Variants in ATP2B2 observed in about 807,000 individuals in gnomAD.
ATP2B2 encodes the protein ATPase plasma membrane Ca2+ transporting 2.
A neutral mutation model predicts 120.0 loss-of-function variants in ATP2B2; 15 were observed. The observed-to-expected ratio is 0.12, with a 90% CI of 0.08 to 0.19. The LOEUF (loss-of-function observed/expected upper bound fraction) is 0.19, where lower values mean the gene tolerates loss of function less well. Ranked by LOEUF, ATP2B2 falls within the 10% of genes least tolerant of loss-of-function variation. The pLI, the probability that ATP2B2 is intolerant of heterozygous loss-of-function variation, is 1.00. For synonymous variants in ATP2B2, 694 were observed against 700.3 expected (o/e 0.99, Z 0.14); for missense variants, 1,045 against 1,719.8 (o/e 0.61, Z 6.94).
intron 2 of ATP2B2, among the ~76,000 whole-genome samples, chr3:10,575,655 T>C (rs1186702770): frequency 1.3e-5 from 2 of 152,146 alleles, no homozygotes; most frequent in Non-Finnish European, 2.9e-5. Flanking sequence ...AGGTTATGTC[T>C]GGGGTAGAGA....
At chr3:10,539,582 T>C (rs1041124236) in intron 2 of ATP2B2, among the ~76,000 whole-genome samples, 1 of 152,298 alleles carries the variant, frequency 6.6e-6, no homozygotes. Context: ...AACCATCTGA[T>C]CTTTGACAAA....
chr3:10,542,927 AGC>A (rs1445513108), intron 2 of ATP2B2, among the ~76,000 whole-genome samples: 4 of 152,116 alleles, frequency 2.6e-5, no homozygotes, highest in Admixed American at 6.6e-5. Context: ...GTACTTTTTC[AGC>A]CCCATCCTCT....
intron 1 of ATP2B2, among the ~76,000 whole-genome samples, chr3:10,646,687 C>T (rs2070329569): frequency 6.6e-6 from 1 of 152,086 alleles, no homozygotes. Context: ...GAGTGCGTTA[C>T]ATAATGGGAA....
At position 10,532,322 on chromosome 3, in the gene ATP2B2, C is replaced by T. The variant is rs1053498325; in HGVS notation, c.-320+1717G>A. Reference sequence around the variant, plus strand: ...GAGAGTGCTCAATAAACACTTGTAACCAAATAAACAGGTAGCTAAGCCCTG... The same window carrying T: ...GAGAGTGCTCAATAAACACTTGTAATCAAATAAACAGGTAGCTAAGCCCTG... On this transcript the variant is annotated intron_variant, in intron 3 of 21. Coordinates refer to the ATP2B2 transcript ENST00000646379. Among the ~76,000 whole-genome samples, 2 of 152,148 alleles carry T rather than the reference C, an allele frequency of 1.3e-5. 1 individual carries two copies. Among genetic ancestry groups the T allele is most frequent in the South Asian group, 4.1e-4 (2 of 4,824 alleles).
At chr3:10,385,002 T>C (rs1225971634) in intron 8 of ATP2B2, among the ~76,000 whole-genome samples, 1 of 152,214 alleles carries the variant, frequency 6.6e-6, no homozygotes, top group Admixed American at 6.5e-5. Context: ...AAGTCTCGTC[T>C]CTTATCTGGG....
intron 2 of ATP2B2, among the ~76,000 whole-genome samples, chr3:10,589,729 C>G (rs2068597426): frequency 6.6e-6 from 1 of 152,192 alleles, no homozygotes; most frequent in African/African-American, 2.4e-5. Flanking sequence ...TTCCTAACAC[C>G]TGTCAGAATG....
At chr3:10,363,119 A>G (rs2060947845) in intron 12 of ATP2B2, among the ~76,000 whole-genome samples, 1 of 152,210 alleles carries the variant, frequency 6.6e-6, no homozygotes, top group Non-Finnish European at 1.5e-5. Flanking sequence ...CTCTAAAAGG[A>G]TTTCAAACAA....
At chr3:10,478,789 T>C (rs2065294886) in intron 1 of ATP2B2, among the ~76,000 whole-genome samples, 1 of 152,258 alleles carries the variant, frequency 6.6e-6, no homozygotes, top group African/African-American at 2.4e-5. Context: ...CTGTGGCCTC[T>C]AACTGGCTGA....
chr3:10,375,248 C>A lies in ATP2B2; in HGVS notation c.1416+182G>T, dbSNP rs568837548. Among the ~76,000 whole-genome samples, 2 of 152,248 alleles carry A rather than the reference C, an allele frequency of 1.3e-5. No individual in the cohort carries two copies. The highest frequency in any genetic ancestry group is 1.3e-4 in the Admixed American group (2 of 15,286). The stretch of plus-strand genomic sequence containing the variant: ...GTATGGCTCTCTGGTTTGCTACAGG[C>A]CCCTGGACTCTATGAAAGCGTCAGA... On this transcript the variant is annotated intron_variant, in intron 11 of 22. Transcript: ENST00000360273. This position sits in a 1 kb window ranked among gnomAD's most constrained non-coding sequence, Gnocchi z 4.2.
chr3:10,648,740 C>T (rs2070381429), intron 1 of ATP2B2, among the ~76,000 whole-genome samples: 1 of 152,200 alleles, frequency 6.6e-6, no homozygotes, highest in Non-Finnish European at 1.5e-5. Context: ...AGCTTTGCTT[C>T]CAAATCACCA....
Position 10,328,933 on chromosome 3 carries a change from A to T in ATP2B2, c.3613T>A (p.Ser1205Thr). ...ALKQNSSPPS[S>T]LNKNNSAIDS... ...ATGGCGCTGTTGTTCTTGTTGAGGG[A>T]TGACGGCGGGCTCGAGTTCTGCTTG... is the stretch of plus-strand genomic sequence containing the variant. The change falls in exon 23 of 23, where the codon TCC (serine) becomes ACC (threonine). Residue 1205 changes from serine to threonine, a missense_variant. Physicochemically the swap from Ser to Thr is moderately conservative, Grantham distance 58. This residue lies in a region of ATP2B2 where 211 missense variants were observed against 385.1 expected (regional missense o/e 0.55). Transcript: ENST00000360273. 2 of 1,613,582 alleles carry T rather than the reference A, an allele frequency of 1.2e-6. No homozygotes were observed. Among genetic ancestry groups the T allele is most frequent in the Non-Finnish European group, 1.7e-6 (2 of 1,179,928 alleles).
At chr3:10,562,569 C>G (rs1268065003) in intron 2 of ATP2B2, among the ~76,000 whole-genome samples, 1 of 152,146 alleles carries the variant, frequency 6.6e-6, no homozygotes, top group African/African-American at 2.4e-5. Context: ...CCCCTCACCT[C>G]CAGCGCCTTT....
chr3:10,385,353 A>G, intron 7 of ATP2B2, 26 bp from the exon 8 acceptor site: 1 of 1,608,896 alleles, frequency 6.2e-7, no homozygotes, highest in Non-Finnish European at 8.5e-7. Context: ...AGGGATGGAA[A>G]ATGCAGTGTC....
chr3:10,489,532 T>C (rs1477108713), intron 1 of ATP2B2, among the ~76,000 whole-genome samples: 1 of 152,328 alleles, frequency 6.6e-6, no homozygotes, highest in South Asian at 2.1e-4. Context: ...TTGCAGGCCC[T>C]TTCCCAGGAT....
intron 2 of ATP2B2, among the ~76,000 whole-genome samples, chr3:10,443,212 T>C (rs2063726693): frequency 6.6e-6 from 1 of 152,206 alleles, no homozygotes; most frequent in Admixed American, 6.5e-5. Flanking sequence ...ATCCAGGCCA[T>C]GCTCTCCTCA....
At chr3:10,434,377 C>T (rs930090750) in intron 2 of ATP2B2, among the ~76,000 whole-genome samples, 1 of 152,182 alleles carries the variant, frequency 6.6e-6, no homozygotes, top group Non-Finnish European at 1.5e-5. Flanking sequence ...CATACCAGGC[C>T]TGCAGGCCAC....
At chr3:10,613,565 C>G (rs2069299193) in intron 2 of ATP2B2, among the ~76,000 whole-genome samples, 1 of 152,100 alleles carries the variant, frequency 6.6e-6, no homozygotes, top group African/African-American at 2.4e-5. Flanking sequence ...CACCCCATCA[C>G]CTTTGATTCT....
chr3:10,453,938 A>T (rs1038376252), intron 1 of ATP2B2, among the ~76,000 whole-genome samples: 1 of 127,628 alleles, frequency 7.8e-6, no homozygotes, highest in East Asian at 2.4e-4. Flanking sequence ...CCATCTACCC[A>T]CCCATCCACT....
intron 2 of ATP2B2, among the ~76,000 whole-genome samples, chr3:10,421,115 A>G (rs2062964402): frequency 6.6e-6 from 1 of 152,106 alleles, no homozygotes; most frequent in Non-Finnish European, 1.5e-5. Flanking sequence ...GTCCTTGGCA[A>G]TGGGGATACA....
Sources: gnomAD v4.1 joint callset for allele counts (sites outside exome capture counted in the v4.1 genomes callset) on GRCh38, gnomAD v4.1.1 for gene constraint, gnomAD v4.1.1 regional missense constraint, Gnocchi (gnomAD v3.1) non-coding constraint, MANE v1.5 for transcripts, NCBI Gene and HGNC (gene_info 2026-07-23, HGNC 2026-07-21) for gene names.